Variants in NDUFAF5 observed in about 807,000 individuals in gnomAD.
The protein encoded by NDUFAF5 is NADH:ubiquinone oxidoreductase complex assembly factor 5.
NDUFAF5 carries 34 observed loss-of-function variants against 48.9 expected under a neutral mutation model. The ratio of observed to expected loss-of-function variants is 0.70; its 90% CI spans 0.53 to 0.93. The LOEUF (loss-of-function observed/expected upper bound fraction) is 0.93, where lower values mean the gene tolerates loss of function less well. Among genes scored for constraint, NDUFAF5 ranks in the 40% least tolerant of loss-of-function variants. NDUFAF5 has a pLI of 0.00. For missense variants in NDUFAF5, 428 were observed against 427.5 expected (o/e 1.00, Z -0.01); for synonymous variants, 153 against 150.6 (o/e 1.02, Z -0.12).
At chr20:13,803,482 T>C (rs1202519737) in intron 7 of NDUFAF5, 1 of 152,242 alleles carries the variant, frequency 6.6e-6, no homozygotes, top group Non-Finnish European at 1.5e-5. Flanking sequence ...ATATTTTGGT[T>C]GTAACTATTA....
At chr20:13,810,744 G>T (rs1985742068) in intron 8 of NDUFAF5, among the ~76,000 whole-genome samples, 1 of 152,048 alleles carries the variant, frequency 6.6e-6, no homozygotes, top group Non-Finnish European at 1.5e-5. Flanking sequence ...AGGTGGGAAG[G>T]GTGCAATACA....
At chr20:13,789,373 A>C (rs1421935618) in intron 3 of NDUFAF5, among the ~76,000 whole-genome samples, 1 of 152,058 alleles carries the variant, frequency 6.6e-6, no homozygotes, top group Non-Finnish European at 1.5e-5. Context: ...CCATGTTGGC[A>C]AGGCCGGTCT....
chr20:13,815,095 A>G (rs1448808904), intron 8 of NDUFAF5, among the ~76,000 whole-genome samples: 1 of 152,222 alleles, frequency 6.6e-6, no homozygotes. Context: ...TTTCTAGTGC[A>G]TCACATGTTT....
chr20:13,803,800 G>GC (rs1445879727), intron 7 of NDUFAF5, among the ~76,000 whole-genome samples: 2 of 141,222 alleles, frequency 1.4e-5, no homozygotes, highest in Non-Finnish European at 3.1e-5. Context: ...TTTTTTTTTT[G>GC]GGGGGGGGAC....
At chr20:13,788,122 T>TTAAC (rs1981524127) in intron 2 of NDUFAF5, among the ~76,000 whole-genome samples, 1 of 152,330 alleles carries the variant, frequency 6.6e-6, no homozygotes, top group African/African-American at 2.4e-5. Flanking sequence ...CAGTAAAAGT[T>TTAAC]TAACTGTTAC....
chr20:13,817,067 G>A (rs1464703327), intron 10 of NDUFAF5, 51 bp from the exon 11 acceptor site: 1 of 1,571,812 alleles, frequency 6.4e-7, no homozygotes, highest in Non-Finnish European at 8.8e-7. Context: ...TTTAATTGGG[G>A]CTGTGTATTA....
At chr20:13,798,586 T>C in intron 6 of NDUFAF5, 86 bp downstream of exon 6, 1 of 1,083,176 alleles carries the variant, frequency 9.2e-7, no homozygotes, top group Non-Finnish European at 1.4e-6. Context: ...TCACATACTA[T>C]TTACTTGTAG....
At chr20:13,793,105 A>C in intron 3 of NDUFAF5, 75 bp from the exon 4 acceptor site, 1 of 1,504,170 alleles carries the variant, frequency 6.6e-7, no homozygotes, top group Non-Finnish European at 9.3e-7. Context: ...TGTAATTAAC[A>C]CTTTTACCTT....
intron 8 of NDUFAF5, chr20:13,816,049 A>G (rs1211397469): frequency 3.5e-6 from 1 of 286,690 alleles, no homozygotes; most frequent in African/African-American, 2.2e-5. Flanking sequence ...ATTATGGCTT[A>G]GGAGTGAGGC....
At position 13,787,247 on chromosome 20, in the gene NDUFAF5, G is replaced by T. The variant is rs1254617826; in HGVS notation, c.223-65G>T. The T allele has an allele frequency of 2.2e-5, 33 of 1,513,830 alleles. No individual in the cohort carries two copies. In the Middle Eastern group the frequency reaches 3.0e-3, roughly 140 times the overall value. The allele number at this position is 1,513,830 out of a possible 1,614,324, so 93.8% of individuals were successfully genotyped here. On this transcript the variant is annotated intron_variant, in intron 1 of 10. Coordinates refer to ENST00000378106, the MANE Select transcript of NDUFAF5 (RefSeq NM_024120.5). ...TATTTTAAAACATAAGTAACTTGTG[G>T]ATTGTTGAATACTGGAAAAAGAGTG... is the stretch of plus-strand genomic sequence containing the variant.
At chr20:13,812,743 A>T (rs1310627728) in intron 8 of NDUFAF5, among the ~76,000 whole-genome samples, 1 of 152,200 alleles carries the variant, frequency 6.6e-6, no homozygotes, top group East Asian at 1.9e-4. Flanking sequence ...TACAATTTGA[A>T]TTCAGAGTCC....
At chr20:13,793,800 G>C (rs940169430) in intron 4 of NDUFAF5, among the ~76,000 whole-genome samples, 3 of 152,078 alleles carry the variant, frequency 2.0e-5, no homozygotes, top group Admixed American at 2.0e-4. Context: ...AAAATTTTTT[G>C]ACATACATCT....
chr20:13,792,089 A>G (rs1475848741), intron 3 of NDUFAF5, among the ~76,000 whole-genome samples: 1 of 152,198 alleles, frequency 6.6e-6, no homozygotes, highest in Non-Finnish European at 1.5e-5. Flanking sequence ...TTCCAACTCC[A>G]GGGACCTCTG....
chr20:13,804,352 T>C (rs1984678319), intron 7 of NDUFAF5, among the ~76,000 whole-genome samples: 1 of 152,032 alleles, frequency 6.6e-6, no homozygotes, highest in Admixed American at 6.6e-5. Context: ...CCCAGGACTC[T>C]CCAAACCACA....
chr20:13,821,109 A>ATTT lies in NDUFAF5; in HGVS notation c.*3900_*3901insTTT, dbSNP rs1986956064. The ATTT allele has an allele frequency of 1.3e-5, 2 of 152,258 alleles. No homozygotes were observed. The highest frequency in any genetic ancestry group is 6.5e-5 in the Admixed American group (1 of 15,288). 9.4% of individuals were successfully genotyped at this position (152,258 alleles called of 1,614,324 possible). A position where few individuals can be genotyped will look rare whatever the true frequency, so the allele number is the denominator to read the frequency against. On this transcript the variant is annotated 3_prime_UTR_variant, in exon 11 of 11. Transcript: ENST00000378106. ...AACACTGATAAGTTACTGTTAACAA[A>ATTT]TAAGAAAATAATGCTTTGCCATCTG...
chr20:13,785,630 T>A (rs919949458), intron 1 of NDUFAF5, among the ~76,000 whole-genome samples: 1 of 152,170 alleles, frequency 6.6e-6, no homozygotes, highest in Non-Finnish European at 1.5e-5. Context: ...GGTTTTCTTC[T>A]GTATCTGCAC....
chr20:13,821,351 C>T lies in NDUFAF5; in HGVS notation c.*4141C>T, dbSNP rs1415012618. ...AGCCAGCAGCCATATTGTAAGGCCA[C>T]TCAACTCCATGGAGAAGACCTAGAA... is the stretch of plus-strand genomic sequence containing the variant. On this transcript the variant is annotated 3_prime_UTR_variant, in exon 11 of 11. Coordinates refer to ENST00000378106, the MANE Select transcript of NDUFAF5 (RefSeq NM_024120.5). 2.8e-4 allele frequency: 42 copies of T among 152,250 alleles called. No homozygotes were observed. The highest frequency in any genetic ancestry group is 1.5e-5 in the Non-Finnish European group (1 of 68,076). The allele number at this position is 152,250 out of a possible 1,614,324, so 9.4% of individuals were successfully genotyped here. A position where few individuals can be genotyped will look rare whatever the true frequency, so the allele number is the denominator to read the frequency against.
At chr20:13,790,239 A>G (rs987657084) in intron 3 of NDUFAF5, among the ~76,000 whole-genome samples, 12 of 152,352 alleles carry the variant, frequency 7.9e-5, no homozygotes, top group African/African-American at 2.4e-4. Flanking sequence ...GCCAGCACAT[A>G]TAAATGATGG....
chr20:13,799,399 A>C (rs1983760646), intron 6 of NDUFAF5, among the ~76,000 whole-genome samples: 1 of 152,072 alleles, frequency 6.6e-6, no homozygotes, highest in South Asian at 2.1e-4. Context: ...TATTTTGCTG[A>C]TTAGAAACTG....
Sources: allele counts gnomAD v4.1 joint callset (sites outside exome capture counted in the v4.1 genomes callset), GRCh38; gene constraint gnomAD v4.1.1; transcripts MANE v1.5; gene names NCBI Gene and HGNC (gene_info 2026-07-23, HGNC 2026-07-21).